Variants in PAMR1 observed in about 807,000 individuals in gnomAD.
The protein encoded by PAMR1 is inactive serine protease PAMR1.
In PAMR1, 88 loss-of-function variants were observed where a neutral mutation model predicts 81.8. The observed-to-expected ratio is 1.08, with a 90% CI of 0.91 to 1.28. The LOEUF (loss-of-function observed/expected upper bound fraction) is 1.28. Among genes scored for constraint, PAMR1 ranks in the 50% most tolerant of loss-of-function variants. The pLI, the probability that PAMR1 is intolerant of heterozygous loss-of-function variation, is 0.00. For missense variants in PAMR1, 935 were observed against 919.7 expected, an observed-to-expected ratio of 1.02 and a Z score of -0.21; for synonymous variants, 336 against 345.3, an observed-to-expected ratio of 0.97 and a Z score of 0.30.
At chr11:35,456,942 C>A (rs548680361) in intron 6 of PAMR1, among the ~76,000 whole-genome samples, 2 of 152,126 alleles carry the variant, frequency 1.3e-5, no homozygotes, top group Non-Finnish European at 2.9e-5. Context: ...ATCAGCAATA[C>A]AGATGATTCA....
chr11:35,507,778 G>A (rs1850993118), intron 1 of PAMR1, among the ~76,000 whole-genome samples: 1 of 140,152 alleles, frequency 7.1e-6, no homozygotes, highest in Non-Finnish European at 1.5e-5. Flanking sequence ...GAAATTCTTT[G>A]TAATTTACCT....
At chr11:35,519,269 A>G (rs1321790219) in intron 1 of PAMR1, among the ~76,000 whole-genome samples, 1 of 152,174 alleles carries the variant, frequency 6.6e-6, no homozygotes. Context: ...AAAGGGATTG[A>G]GTCTCCATCC....
Position 35,510,478 on chromosome 11 carries a change from G to A in PAMR1, c.73+15035C>T, listed in dbSNP as rs145495985. ...CACAACCCTCCCCGCCCCCACCCCC[G>A]GAAACAGTACACTTTTTATCCCCCC... On this transcript the variant is annotated intron_variant, in intron 1 of 10. Transcript: ENST00000619888. Among the ~76,000 whole-genome samples the A allele has an allele frequency of 1.5e-3, 34 of 23,394 alleles. No individual in the cohort carries two copies. The East Asian group carries it at 0.03, about 20-fold the overall frequency. The allele number at this position is 23,394 out of a possible 152,430, so 15.3% of individuals were successfully genotyped here. A position where few individuals can be genotyped will look rare whatever the true frequency, so the allele number is the denominator to read the frequency against.
In PAMR1 at chr11:35,525,608, G is replaced by A. The variant is rs983728206; in HGVS notation, c.-23C>T. On this transcript the variant is annotated 5_prime_UTR_variant, in exon 1 of 11. Transcript: ENST00000619888. ...CATCCTTGCCGCGGCTGGTGCCCGA[G>A]CGTCTACTGGGGAGGGAGAGGAGGG... 4 of 1,611,260 alleles carry A rather than the reference G, an allele frequency of 2.5e-6. No individual in the cohort carries two copies. Among genetic ancestry groups the A allele is most frequent in the East Asian group, 2.2e-5 (1 of 44,754 alleles).
chr11:35,447,579 G>A (rs1005391508), intron 6 of PAMR1, among the ~76,000 whole-genome samples: 3 of 152,018 alleles, frequency 2.0e-5, no homozygotes, highest in Admixed American at 1.3e-4. Flanking sequence ...CACACCAATG[G>A]GTCTTCACTC....
intron 6 of PAMR1, among the ~76,000 whole-genome samples, chr11:35,448,718 C>T (rs754601920): frequency 3.3e-5 from 5 of 152,218 alleles, no homozygotes; most frequent in Non-Finnish European, 5.9e-5. Flanking sequence ...AGAGAAGAGA[C>T]GCTCTGGCTT....
chr11:35,439,732 A>G, intron 7 of PAMR1, 39 bp from the exon 8 acceptor site: 8 of 1,531,322 alleles, frequency 5.2e-6, no homozygotes, highest in East Asian at 2.2e-5. Context: ...ATCCTTTTCC[A>G]TATTCACTGT....
At chr11:35,497,818 C>A (rs1303996868) in intron 1 of PAMR1, among the ~76,000 whole-genome samples, 1 of 152,152 alleles carries the variant, frequency 6.6e-6, no homozygotes, top group Non-Finnish European at 1.5e-5. Context: ...TTTCTCATTG[C>A]AAGTAAAATA....
At chr11:35,456,104 G>C (rs560094016) in intron 6 of PAMR1, among the ~76,000 whole-genome samples, 1 of 152,304 alleles carries the variant, frequency 6.6e-6, no homozygotes, top group East Asian at 1.9e-4. Flanking sequence ...GAAAGACAGA[G>C]AGAGAGCAAG....
At position 35,436,035 on chromosome 11, in the gene PAMR1, T is replaced by C. The variant is rs1856036381; in HGVS notation, c.1201A>G (p.Met401Val). ...TGGGTATGCAGATGTTGGTATCCCA[T>C]GGGCAGATCTCCAAAGGGAAGGGCT... ...KPALPFGDLP[M>V]GYQHLHTQLQ... Residue 401 changes from methionine to valine, a missense_variant, in exon 9 of 11, where the codon ATG becomes GTG. Physicochemically the swap from Met to Val is conservative, Grantham distance 21. Coordinates refer to ENST00000619888, the MANE Select transcript of PAMR1 (RefSeq NM_001001991.3). 6.2e-7 allele frequency: 1 copy of C among 1,614,104 alleles called. No homozygotes were observed. Among genetic ancestry groups the C allele is most frequent in the Non-Finnish European group, 8.5e-7 (1 of 1,180,002 alleles).
Position 35,503,166 on chromosome 11 carries a change from C to A in PAMR1, c.74-8894G>T, listed in dbSNP as rs549591532. ...GGCTATAAGAAATGTGGGCTTGTATCTGGGTTCTGTATTCTGTTTCACTGG... is the reference window on the plus strand; with the variant it reads ...GGCTATAAGAAATGTGGGCTTGTATATGGGTTCTGTATTCTGTTTCACTGG... On this transcript the variant is annotated intron_variant, in intron 1 of 10. Transcript: ENST00000619888. Among the ~76,000 whole-genome samples the A allele has an allele frequency of 7.2e-5, 11 of 152,022 alleles. 1 individual carries two copies. In the South Asian group the frequency reaches 2.3e-3, roughly 32 times the overall value.
At chr11:35,510,234 T>C (rs571044321) in intron 1 of PAMR1, among the ~76,000 whole-genome samples, 22 of 152,296 alleles carry the variant, frequency 1.4e-4, no homozygotes, top group Admixed American at 3.9e-4. Context: ...CTCCCCATTA[T>C]CAACATCCCC....
intron 6 of PAMR1, among the ~76,000 whole-genome samples, chr11:35,449,421 C>T (rs1856365493): frequency 6.6e-6 from 1 of 152,156 alleles, no homozygotes; most frequent in Non-Finnish European, 1.5e-5. Flanking sequence ...GCTGGAGTTG[C>T]CGGAATTCCT....
intron 9 of PAMR1, 149 bp downstream of exon 9, chr11:35,435,754 A>G (rs908874880): frequency 1.3e-5 from 8 of 600,950 alleles, no homozygotes; most frequent in South Asian, 1.3e-4. Flanking sequence ...AAGCCAAAGG[A>G]AAAAAAAAGC....
intron 1 of PAMR1, among the ~76,000 whole-genome samples, chr11:35,522,168 C>T (rs926435721): frequency 5.9e-5 from 9 of 152,140 alleles, no homozygotes; most frequent in Non-Finnish European, 8.8e-5. Flanking sequence ...GTGATCTGCC[C>T]GCCCTGGCCT....
intron 6 of PAMR1, among the ~76,000 whole-genome samples, chr11:35,447,621 T>C (rs1590324856): frequency 6.6e-6 from 1 of 152,234 alleles, no homozygotes; most frequent in African/African-American, 2.4e-5. Flanking sequence ...TGTATTTTAA[T>C]TGGGGCATTT....
chr11:35,481,433 A>C (rs1850387603), intron 3 of PAMR1, among the ~76,000 whole-genome samples: 1 of 152,138 alleles, frequency 6.6e-6, no homozygotes, highest in Non-Finnish European at 1.5e-5. Flanking sequence ...TTGTGTTTTT[A>C]ATTTGCATTT....
At chr11:35,499,262 G>A (rs538021947) in intron 1 of PAMR1, among the ~76,000 whole-genome samples, 22 of 152,116 alleles carry the variant, frequency 1.4e-4, no homozygotes, top group African/African-American at 2.7e-4. Flanking sequence ...CAGGTGGCCT[G>A]CCTTGGGTTC....
At chr11:35,510,685 C>T (rs1194307687) in intron 1 of PAMR1, among the ~76,000 whole-genome samples, 2 of 152,168 alleles carry the variant, frequency 1.3e-5, no homozygotes, top group African/African-American at 4.8e-5. Flanking sequence ...TATTATCTCT[C>T]AAAATTGGTA....
Sources: gnomAD v4.1 joint callset for allele counts (sites outside exome capture counted in the v4.1 genomes callset) on GRCh38, gnomAD v4.1.1 for gene constraint, MANE v1.5 for transcripts, NCBI Gene and HGNC (gene_info 2026-07-23, HGNC 2026-07-21) for gene names.